PCDHGB3: variants seen among roughly 807,000 people sequenced by gnomAD.
The protein encoded by PCDHGB3 is protocadherin gamma-B3.
PCDHGB3 carries 40 observed loss-of-function variants against 59.2 expected under a neutral mutation model. The ratio of observed to expected loss-of-function variants is 0.68; its 90% CI spans 0.52 to 0.88. The LOEUF is 0.88. Among genes scored for constraint, PCDHGB3 ranks in the 40% least tolerant of loss-of-function variants. The pLI is 0.00. For synonymous variants in PCDHGB3, 581 were observed against 503.6 expected (o/e 1.15, Z -2.06); for missense variants, 1,309 against 1,187.9 (o/e 1.10, Z -1.50).
In PCDHGB3 at chr5:141,494,860, C is replaced by T. The variant is rs372794752; in HGVS notation, c.2469C>T (p.Thr823=). Residue 823 remains threonine, a synonymous_variant, in exon 2 of 4, where the codon ACC becomes ACT. Coordinates refer to ENST00000576222, the MANE Select transcript of PCDHGB3 (RefSeq NM_018924.5). ...TCTCTCAGGCCCAGAGACCCGGCAC[C>T]AGCGGGTAGGTGACTGATTCTCCAG... ...WRFSQAQRPG[T]SGSQNGDDTG... 5.6e-6 allele frequency: 9 copies of T among 1,614,032 alleles called. No homozygotes were observed. Among genetic ancestry groups the T allele is most frequent in the Non-Finnish European group, 7.6e-6 (9 of 1,180,024 alleles).
intron 1 of PCDHGB3, among the ~76,000 whole-genome samples, chr5:141,439,595 G>A (rs752771969): frequency 3.9e-5 from 6 of 152,192 alleles, no homozygotes; most frequent in Non-Finnish European, 5.9e-5. Flanking sequence ...CTGTTGGCCA[G>A]TCTGGAAACA....
chr5:141,403,614 G>C (rs772617526), intron 1 of PCDHGB3: 1 of 1,613,860 alleles, frequency 6.2e-7, no homozygotes, highest in Admixed American at 1.7e-5. Context: ...GGCGAGCCGC[G>C]TCGCTCCAGC....
At chr5:141,445,732 A>G (rs2098475548) in intron 1 of PCDHGB3, among the ~76,000 whole-genome samples, 1 of 152,230 alleles carries the variant, frequency 6.6e-6, no homozygotes, top group African/African-American at 2.4e-5. Context: ...ATGTGTAAAG[A>G]TCTTTTTAAA....
In PCDHGB3 at chr5:141,414,837, G is replaced by C. The variant is rs776651290; in HGVS notation, c.2415+42028G>C. On this transcript the variant is annotated intron_variant, in intron 1 of 3. Coordinates refer to ENST00000576222, the MANE Select transcript of PCDHGB3 (RefSeq NM_018924.5). ...TCAGCAGCAACGTGTCGTTGAGCCT[G>C]TTTGTGCTGGACCAGAACGACAATG... The C allele has an allele frequency of 2.4e-5, 38 of 1,614,232 alleles. No homozygotes were observed. In the Admixed American group the frequency reaches 5.8e-4, roughly 25 times the overall value.
At chr5:141,449,667 G>A (rs540415333) in intron 1 of PCDHGB3, among the ~76,000 whole-genome samples, 1 of 150,824 alleles carries the variant, frequency 6.6e-6, no homozygotes, top group South Asian at 2.1e-4. Context: ...ACACCCAAGT[G>A]TGTATGTATA....
rs779686795 is a variant in PCDHGB3 at position 141,476,566 on chromosome 5, G to C, written c.2416-18241G>C. The stretch of plus-strand genomic sequence containing the variant: ...TGGAGATTAGCGAGGCCGTGGCTCC[G>C]GGGACGCGCTTTCCGCTCGAGAGCG... On this transcript the variant is annotated intron_variant, in intron 1 of 3. Transcript: ENST00000576222. This position sits in a 1 kb window ranked among gnomAD's most constrained non-coding sequence, Gnocchi z 7.6. 1.2e-6 allele frequency: 2 copies of C among 1,614,180 alleles called. No homozygotes were observed. The highest frequency in any genetic ancestry group is 1.7e-5 in the Admixed American group (1 of 60,030).
chr5:141,511,632 G>A lies in PCDHGB3; in HGVS notation c.*459G>A, dbSNP rs1388627906. The A allele has an allele frequency of 8.6e-6, 2 of 231,934 alleles. No homozygotes were observed. The highest frequency in any genetic ancestry group is 5.1e-5 in the Admixed American group (1 of 19,634). 14.4% of individuals were successfully genotyped at this position (231,934 alleles called of 1,614,324 possible). A position where few individuals can be genotyped will look rare whatever the true frequency, so the allele number is the denominator to read the frequency against. On this transcript the variant is annotated 3_prime_UTR_variant, in exon 4 of 4. Transcript: ENST00000576222. ...CCTCCTAGTTCTGAAAAGTTGGAAG[G>A]GCATCATGACCTCTTGGCCTCTCCT...
chr5:141,487,936 G>C lies in PCDHGB3; in HGVS notation c.2416-6871G>C. On this transcript the variant is annotated intron_variant, in intron 1 of 3. Coordinates refer to ENST00000576222, the MANE Select transcript of PCDHGB3 (RefSeq NM_018924.5). This position sits in a 1 kb window ranked among gnomAD's most constrained non-coding sequence, Gnocchi z 5.0. The stretch of plus-strand genomic sequence containing the variant: ...AGGAGGCTACAGTGCACAGGGTACA[G>C]TGCACCAGGCAGTCACTTGGACAAA... 4.9e-6 allele frequency: 3 copies of C among 607,906 alleles called. No homozygotes were observed. The highest frequency in any genetic ancestry group is 3.7e-5 in the African/African-American group (2 of 54,158). 37.7% of individuals were successfully genotyped at this position (607,906 alleles called of 1,614,324 possible). A position where few individuals can be genotyped will look rare whatever the true frequency, so the allele number is the denominator to read the frequency against.
Position 141,395,397 on chromosome 5 carries a change from A to G in PCDHGB3, c.2415+22588A>G. ...GGTGTTACTATAAAATTGAACTCTAATAGTCATAGGTTATTGTTTCATTTG... is the reference window on the plus strand; with the variant it reads ...GGTGTTACTATAAAATTGAACTCTAGTAGTCATAGGTTATTGTTTCATTTG... On this transcript the variant is annotated intron_variant, in intron 1 of 3. Coordinates refer to ENST00000576222, the MANE Select transcript of PCDHGB3 (RefSeq NM_018924.5). The G allele has an allele frequency of 7.8e-6, 7 of 895,314 alleles. No individual in the cohort carries two copies. The South Asian group carries it at 9.5e-5, about 12-fold the overall frequency. 55.5% of individuals were successfully genotyped at this position (895,314 alleles called of 1,614,324 possible). A position where few individuals can be genotyped will look rare whatever the true frequency, so the allele number is the denominator to read the frequency against.
At chr5:141,428,312 C>A in intron 1 of PCDHGB3, 1 of 671,484 alleles carries the variant, frequency 1.5e-6, no homozygotes, top group Non-Finnish European at 2.7e-6. Flanking sequence ...CTGGTCGTGG[C>A]CTTGGCCTTG....
Position 141,491,273 on chromosome 5 carries a change from G to A in PCDHGB3, c.2416-3534G>A. ...GACCCTGAGGAAATGCCCAAATCCA[G>A]TGACTTCCTCATACACCCTCCTGAG... On this transcript the variant is annotated intron_variant, in intron 1 of 3. Coordinates refer to ENST00000576222, the MANE Select transcript of PCDHGB3 (RefSeq NM_018924.5). This position sits in a 1 kb window ranked among gnomAD's most constrained non-coding sequence, Gnocchi z 6.9. The A allele has an allele frequency of 6.2e-7, 1 of 1,614,182 alleles. No individual in the cohort carries two copies. Among genetic ancestry groups the A allele is most frequent in the South Asian group, 1.1e-5 (1 of 91,082 alleles).
intron 1 of PCDHGB3, chr5:141,423,477 C>T (rs376147466): frequency 1.5e-5 from 24 of 1,613,872 alleles, no homozygotes; most frequent in Non-Finnish European, 1.9e-5. Flanking sequence ...TACAGGCTTT[C>T]CTGCAAACCT....
intron 1 of PCDHGB3, chr5:141,394,832 C>G: frequency 1.9e-6 from 3 of 1,613,828 alleles, no homozygotes; most frequent in Non-Finnish European, 2.5e-6. Context: ...AAGTCCTGAC[C>G]GAGTTGGGCA....
At chr5:141,375,072 G>A in intron 1 of PCDHGB3, 8 of 1,614,044 alleles carry the variant, frequency 5.0e-6, no homozygotes, top group Non-Finnish European at 6.8e-6. Flanking sequence ...CTTCGAGACA[G>A]AGCGAAAGTC....
chr5:141,423,720 A>G, intron 1 of PCDHGB3: 1 of 957,774 alleles, frequency 1.0e-6, no homozygotes, highest in East Asian at 6.0e-5. Flanking sequence ...TTTTAAGGAG[A>G]TGTTTTTTGA....
At chr5:141,410,097 T>G (rs745439318) in intron 1 of PCDHGB3, 3 of 1,612,664 alleles carry the variant, frequency 1.9e-6, no homozygotes, top group Non-Finnish European at 2.5e-6. Context: ...GCTCGAGCCT[T>G]AGGCGACAGG....
intron 1 of PCDHGB3, chr5:141,388,782 A>C (rs1589071559): frequency 6.2e-7 from 1 of 1,613,784 alleles, no homozygotes; most frequent in South Asian, 1.1e-5. Flanking sequence ...CGGGGAAATT[A>C]CTGTTTTAAA....
Position 141,371,894 on chromosome 5 carries a change from G to A in PCDHGB3, c.1500G>A (p.Glu500=). Residue 500 remains glutamate (E), a synonymous_variant, in exon 1 of 4, where the codon GAG becomes GAA. Coordinates refer to ENST00000576222, the MANE Select transcript of PCDHGB3 (RefSeq NM_018924.5). ...TGGCCAGTGACCTGGAGCCGCGGGA[G>A]CTGTCGTCCTACGTGTCCGTGAGCG... ...YIVASDLEPR[E]LSSYVSVSAR... is the part of the protein sequence containing the mutation. 2.5e-6 allele frequency: 4 copies of A among 1,613,426 alleles called. No individual in the cohort carries two copies. Among genetic ancestry groups the A allele is most frequent in the Non-Finnish European group, 3.4e-6 (4 of 1,179,900 alleles).
At chr5:141,414,244 T>A in intron 1 of PCDHGB3, 1 of 1,613,526 alleles carries the variant, frequency 6.2e-7, no homozygotes, top group Admixed American at 1.7e-5. Context: ...CACGTCTCTA[T>A]TTAGTCCAGT....
Sources: gnomAD v4.1 joint callset for allele counts (sites outside exome capture counted in the v4.1 genomes callset) on GRCh38, gnomAD v4.1.1 for gene constraint, Gnocchi (gnomAD v3.1) non-coding constraint, MANE v1.5 for transcripts, NCBI Gene and HGNC (gene_info 2026-07-23, HGNC 2026-07-21) for gene names.